Variants in CLHC1 observed in about 807,000 individuals in gnomAD.
CLHC1 encodes clathrin heavy chain linker domain-containing protein 1.
Under a neutral mutation model 69.5 loss-of-function variants are expected in CLHC1, and 72 were observed. That is an observed-to-expected ratio of 1.04 (90% confidence interval 0.86 to 1.26). The LOEUF is 1.26. Ranked by LOEUF, CLHC1 falls within the 50% of genes most tolerant of loss-of-function variation. CLHC1 has a pLI of 0.00. For synonymous variants in CLHC1, 223 were observed against 224.3 expected, an observed-to-expected ratio of 0.99 and a Z score of 0.05; for missense variants, 790 against 679.3, an observed-to-expected ratio of 1.16 and a Z score of -1.81.
At chr2:55,223,601 C>A (rs1258512494) in intron 2 of CLHC1, among the ~76,000 whole-genome samples, 1 of 151,438 alleles carries the variant, frequency 6.6e-6, no homozygotes, top group Non-Finnish European at 1.5e-5. Context: ...CCTCGGGGGA[C>A]GGTTCCCCCG....
At chr2:55,183,221 C>A (rs1670086898) in intron 9 of CLHC1, among the ~76,000 whole-genome samples, 1 of 152,116 alleles carries the variant, frequency 6.6e-6, no homozygotes, top group Admixed American at 6.5e-5. Flanking sequence ...TTAGATTAAA[C>A]AAGAGATTGC....
intron 1 of CLHC1, among the ~76,000 whole-genome samples, chr2:55,230,056 CAG>C (rs1675122490): frequency 6.6e-6 from 1 of 152,128 alleles, no homozygotes; most frequent in Non-Finnish European, 1.5e-5. Context: ...TGGGCAACAA[CAG>C]CGAAACTCCA....
intron 2 of CLHC1, among the ~76,000 whole-genome samples, chr2:55,226,248 G>C (rs935589348): frequency 3.3e-5 from 5 of 151,220 alleles, no homozygotes; most frequent in Non-Finnish European, 7.4e-5. Flanking sequence ...TCCAACTGAA[G>C]TTGGATACAG....
rs186828362 is a variant in CLHC1 at position 55,211,421 on chromosome 2, G to A, written c.499+1252C>T. On this transcript the variant is annotated intron_variant, in intron 5 of 12. Coordinates refer to ENST00000401408, the MANE Select transcript of CLHC1 (RefSeq NM_152385.4). ...GGAGGCTGAGGCAAGAGAATGGTGT[G>A]AACCCAGGAGGCGGAGCTTGCAGTG... is the stretch of plus-strand genomic sequence containing the variant. 1.5e-4 allele frequency among the ~76,000 whole-genome samples: 22 copies of A among 147,930 alleles called. No individual in the cohort carries two copies. The East Asian group carries it at 4.3e-3, about 29-fold the overall frequency.
At chr2:55,231,122 C>A (rs1321769655) in intron 1 of CLHC1, among the ~76,000 whole-genome samples, 1 of 151,762 alleles carries the variant, frequency 6.6e-6, no homozygotes, top group Non-Finnish European at 1.5e-5. Flanking sequence ...TGGTGGTGGG[C>A]GCCTGTAATC....
rs1330848937 is a variant in CLHC1, at chr2:55,202,908, A to C, written c.1006+3362T>G. ...AGTGAGACTCATCTCAAAAAAAAAA[A>C]AAAAAAACTATTAGAACTGATAAAC... On this transcript the variant is annotated intron_variant, in intron 9 of 12. Coordinates refer to ENST00000401408, the MANE Select transcript of CLHC1 (RefSeq NM_152385.4). Among the ~76,000 whole-genome samples, 13 of 152,150 alleles carry C rather than the reference A, an allele frequency of 8.5e-5. No individual in the cohort carries two copies. In the South Asian group the frequency reaches 2.5e-3, roughly 29 times the overall value.
At chr2:55,194,105 A>C (rs912929894) in intron 9 of CLHC1, among the ~76,000 whole-genome samples, 4 of 152,172 alleles carry the variant, frequency 2.6e-5, no homozygotes, top group African/African-American at 9.7e-5. Flanking sequence ...GGTTGCCTGC[A>C]GTTTGGAGAG....
intron 9 of CLHC1, among the ~76,000 whole-genome samples, chr2:55,203,790 G>A (rs1169104610): frequency 2.0e-5 from 3 of 151,958 alleles, no homozygotes; most frequent in Admixed American, 1.3e-4. Flanking sequence ...ACAGGCAATT[G>A]AAGAAAAAAA....
chr2:55,219,239 A>G (rs1378781959), intron 3 of CLHC1, among the ~76,000 whole-genome samples: 5 of 152,188 alleles, frequency 3.3e-5, no homozygotes, highest in African/African-American at 1.2e-4. Flanking sequence ...TGAGTAGGTA[A>G]TAAATATGTA....
chr2:55,200,938 T>C (rs2103865461), intron 9 of CLHC1, among the ~76,000 whole-genome samples: 1 of 152,046 alleles, frequency 6.6e-6, no homozygotes, highest in Non-Finnish European at 1.5e-5. Flanking sequence ...CATACACAGG[T>C]CAATGAAGAG....
At chr2:55,197,650 A>G (rs1206717390) in intron 9 of CLHC1, among the ~76,000 whole-genome samples, 3 of 152,198 alleles carry the variant, frequency 2.0e-5, no homozygotes, top group African/African-American at 7.2e-5. Context: ...TCTAATGCAG[A>G]TATGGTTGCA....
chr2:55,213,455 A>G (rs1340871687), intron 4 of CLHC1, among the ~76,000 whole-genome samples: 3 of 152,184 alleles, frequency 2.0e-5, no homozygotes, highest in Non-Finnish European at 4.4e-5. Flanking sequence ...AAAATCTTTA[A>G]TCACATCTGC....
At chr2:55,211,997 CTGGGCACAG>C (rs753856271) in intron 5 of CLHC1, among the ~76,000 whole-genome samples, 2 of 152,234 alleles carry the variant, frequency 1.3e-5, no homozygotes, top group Non-Finnish European at 1.5e-5. Context: ...CCTGAAGCGG[CTGGGCACAG>C]TGGCTCATGC....
intron 2 of CLHC1, chr2:55,224,805 G>A: frequency 3.3e-6 from 1 of 306,924 alleles, no homozygotes. Flanking sequence ...GTAAAGCTCC[G>A]TCAAAGAGGC....
At chr2:55,188,014 A>G (rs1365773097) in intron 9 of CLHC1, among the ~76,000 whole-genome samples, 1 of 152,148 alleles carries the variant, frequency 6.6e-6, no homozygotes, top group Non-Finnish European at 1.5e-5. Flanking sequence ...GGGAAATCCA[A>G]ATACAAAGAT....
intron 9 of CLHC1, among the ~76,000 whole-genome samples, chr2:55,184,104 TTA>T (rs1491512991): frequency 7.2e-4 from 8 of 11,154 alleles, no homozygotes; most frequent in Non-Finnish European, 1.1e-3. Context: ...CTTTCTTTCT[TTA>T]TTTTTTTTTT....
intron 10 of CLHC1, among the ~76,000 whole-genome samples, chr2:55,181,020 ACCCAGG>A (rs1192874385): frequency 1.3e-5 from 2 of 152,086 alleles, no homozygotes; most frequent in Non-Finnish European, 2.9e-5. Context: ...TCGCTCTGTC[ACCCAGG>A]CTGGAGTGCA....
At chr2:55,178,072 C>A (rs1042434931) in intron 11 of CLHC1, among the ~76,000 whole-genome samples, 2 of 152,160 alleles carry the variant, frequency 1.3e-5, no homozygotes, top group African/African-American at 4.8e-5. Flanking sequence ...AGATTGGCTA[C>A]TAGGAAACCT....
rs185813979 is a variant in CLHC1 at position 55,191,177 on chromosome 2, C to A, written c.1007-9433G>T. 2.1e-3 allele frequency among the ~76,000 whole-genome samples: 317 copies of A among 152,270 alleles called. 10 individuals are homozygous for A. The highest frequency in any genetic ancestry group is 0.019 in the Admixed American group (295 of 15,302). Reference sequence around the variant, plus strand: ...ATTTAAAAGCTGAATGAATTTGTCACCAGCAGATCTGCACTAAAAGATTAA... The same window carrying A: ...ATTTAAAAGCTGAATGAATTTGTCAACAGCAGATCTGCACTAAAAGATTAA... On this transcript the variant is annotated intron_variant, in intron 9 of 12. Transcript: ENST00000401408.
Sources: gnomAD v4.1 joint callset for allele counts (sites outside exome capture counted in the v4.1 genomes callset) on GRCh38, gnomAD v4.1.1 for gene constraint, MANE v1.5 for transcripts, NCBI Gene and HGNC (gene_info 2026-07-23, HGNC 2026-07-21) for gene names.